The following PCDH9 variants were observed in gnomAD, a reference collection of about 807,000 sequenced individuals.
PCDH9 encodes protocadherin 9.
A neutral mutation model predicts 70.6 loss-of-function variants in PCDH9; 24 were observed. The observed-to-expected ratio is 0.34, with a 90% CI of 0.25 to 0.48. The LOEUF (loss-of-function observed/expected upper bound fraction) is 0.48, where lower values mean the gene tolerates loss of function less well. PCDH9 is among the 20% of genes least tolerant of loss of function. PCDH9 has a pLI of 0.99. For missense variants in PCDH9, 1,281 were observed against 1,503.6 expected (o/e 0.85, Z 2.45); for synonymous variants, 562 against 558.5 (o/e 1.01, Z -0.09).
chr13:67,058,597 G>A (rs1227577914), intron 2 of PCDH9, among the ~76,000 whole-genome samples: 1 of 152,082 alleles, frequency 6.6e-6, no homozygotes, highest in Non-Finnish European at 1.5e-5. Context: ...ATAAATGAGA[G>A]CGAATAGACT....
intron 3 of PCDH9, among the ~76,000 whole-genome samples, chr13:66,765,822 C>G (rs2079706513): frequency 6.6e-6 from 1 of 151,974 alleles, no homozygotes; most frequent in Non-Finnish European, 1.5e-5. Context: ...AGTTGTCTTA[C>G]AAAGGATTGT....
Position 66,336,827 on chromosome 13 carries a change from C to T in PCDH9, c.3341-31799G>A, listed in dbSNP as rs563399938. 3.3e-4 allele frequency among the ~76,000 whole-genome samples: 50 copies of T among 152,106 alleles called. No individual in the cohort carries two copies. The South Asian group carries it at 9.7e-3, about 30-fold the overall frequency. On this transcript the variant is annotated intron_variant, in intron 4 of 4. Transcript: ENST00000377865. ...ATCAACCTCAGCCCAGAAGCATCTT[C>T]CTCCTAATTCCAAATACTCTATTTT...
chr13:66,387,452 G>T (rs1956948712), intron 4 of PCDH9, among the ~76,000 whole-genome samples: 1 of 151,476 alleles, frequency 6.6e-6, no homozygotes, highest in Non-Finnish European at 1.5e-5. Context: ...GAGGAGTTTG[G>T]GTCAAAAAGG....
At chr13:66,622,574 A>T (rs542098298) in intron 4 of PCDH9, among the ~76,000 whole-genome samples, 11 of 152,070 alleles carry the variant, frequency 7.2e-5, no homozygotes, top group African/African-American at 1.9e-4. Context: ...GTATCTAGCT[A>T]CTCTGGTGGG....
chr13:66,878,526 C>T (rs28648831), intron 3 of PCDH9, among the ~76,000 whole-genome samples: 2 of 152,000 alleles, frequency 1.3e-5, no homozygotes, highest in African/African-American at 2.4e-5. Context: ...AGCGCAGGGC[C>T]GGGACTAATT....
chr13:66,892,863 T>G (rs1376907198), intron 3 of PCDH9, among the ~76,000 whole-genome samples: 1 of 152,126 alleles, frequency 6.6e-6, no homozygotes, highest in African/African-American at 2.4e-5. Flanking sequence ...TATGTACACA[T>G]ACAAGCACAC....
intron 4 of PCDH9, among the ~76,000 whole-genome samples, chr13:66,544,092 T>C (rs767850080): frequency 7.9e-5 from 12 of 152,202 alleles, no homozygotes; most frequent in Non-Finnish European, 1.8e-4. Flanking sequence ...CTATCTGATA[T>C]AAACTTTATA....
At chr13:66,882,968 C>T (rs908318496) in intron 3 of PCDH9, among the ~76,000 whole-genome samples, 3 of 152,198 alleles carry the variant, frequency 2.0e-5, no homozygotes, top group Non-Finnish European at 4.4e-5. Context: ...TAGAGAATGA[C>T]TTTCAAAGTC....
chr13:66,374,399 A>G (rs557894575), intron 4 of PCDH9, among the ~76,000 whole-genome samples: 2 of 152,134 alleles, frequency 1.3e-5, no homozygotes, highest in East Asian at 3.9e-4. Context: ...TAAAAAGATA[A>G]TACTTTTAGA....
intron 3 of PCDH9, among the ~76,000 whole-genome samples, chr13:66,785,914 T>C (rs568887409): frequency 6.6e-6 from 1 of 152,326 alleles, no homozygotes; most frequent in African/African-American, 2.4e-5. Context: ...TGTCCCATTT[T>C]TGAGTTTTAA....
intron 4 of PCDH9, among the ~76,000 whole-genome samples, chr13:66,608,140 CAA>C (rs981360544): frequency 1.3e-5 from 2 of 151,134 alleles, no homozygotes; most frequent in Non-Finnish European, 3.0e-5. Flanking sequence ...TTTTAAAACA[CAA>C]GAGAGATATA....
At chr13:67,057,865 TTCC>T (rs1372555235) in intron 2 of PCDH9, among the ~76,000 whole-genome samples, 6 of 152,152 alleles carry the variant, frequency 3.9e-5, no homozygotes, top group African/African-American at 1.4e-4. Context: ...TGTTCTTCCT[TTCC>T]TTTTTCTTCC....
chr13:66,684,518 C>T (rs2078373134), intron 3 of PCDH9, among the ~76,000 whole-genome samples: 1 of 152,066 alleles, frequency 6.6e-6, no homozygotes, highest in East Asian at 1.9e-4. Context: ...TGAATGAGTT[C>T]CCACAAGAAA....
At chr13:66,628,876 C>CA (rs1189657141) in intron 4 of PCDH9, among the ~76,000 whole-genome samples, 3 of 152,230 alleles carry the variant, frequency 2.0e-5, no homozygotes, top group South Asian at 2.1e-4. Context: ...GGCTAAAAGA[C>CA]AAAAAATTCT....
intron 2 of PCDH9, among the ~76,000 whole-genome samples, chr13:67,151,982 T>C (rs1202956692): frequency 1.3e-5 from 2 of 152,180 alleles, no homozygotes; most frequent in Non-Finnish European, 2.9e-5. Flanking sequence ...CTCTTAAGGA[T>C]ACTTTCTCAT....
At chr13:67,103,872 A>G (rs1370909985) in intron 2 of PCDH9, among the ~76,000 whole-genome samples, 1 of 152,192 alleles carries the variant, frequency 6.6e-6, no homozygotes, top group Non-Finnish European at 1.5e-5. Context: ...GCAGTTGTGT[A>G]CATGGCTAAG....
chr13:66,613,205 G>A lies in PCDH9; in HGVS notation c.3340+18005C>T, dbSNP rs537879517. Among the ~76,000 whole-genome samples the A allele has an allele frequency of 7.2e-5, 11 of 152,216 alleles. No homozygotes were observed. In the East Asian group the frequency reaches 7.8e-4, roughly 11 times the overall value. On this transcript the variant is annotated intron_variant, in intron 4 of 4. Transcript: ENST00000377865. ...CTTGGTCGAAGAGTGCAGCAGAGCC[G>A]GCTGTTTGGAACCAGCCATTCGCCA...
chr13:67,028,335 G>T (rs1387986242), intron 2 of PCDH9, among the ~76,000 whole-genome samples: 97 of 140,576 alleles, frequency 6.9e-4, no homozygotes, highest in South Asian at 2.6e-3. Context: ...ACCAAACACC[G>T]CATATTCTCA....
At chr13:66,906,877 G>A (rs548597457) in intron 2 of PCDH9, among the ~76,000 whole-genome samples, 77 of 151,934 alleles carry the variant, frequency 5.1e-4, no homozygotes, top group East Asian at 2.1e-3. Flanking sequence ...TTCTACTTCC[G>A]GGAGAGTTGC....
Sources: gnomAD v4.1 joint callset for allele counts (sites outside exome capture counted in the v4.1 genomes callset) on GRCh38, gnomAD v4.1.1 for gene constraint, MANE v1.5 for transcripts, NCBI Gene and HGNC (gene_info 2026-07-23, HGNC 2026-07-21) for gene names.